BTAF1: variants seen among roughly 807,000 people sequenced by gnomAD.
The protein encoded by BTAF1 is B-TFIID TATA-box binding protein associated factor 1, also known as TATA-binding protein-associated factor 172.
BTAF1 carries 38 observed loss-of-function variants against 227.1 expected under a neutral mutation model. The observed-to-expected ratio is 0.17, with a 90% CI of 0.13 to 0.22. The LOEUF is 0.22. BTAF1 is among the 10% of genes least tolerant of loss of function. The pLI is 1.00. For missense variants in BTAF1, 1,598 were observed against 2,204.0 expected, an observed-to-expected ratio of 0.73 and a Z score of 5.51; for synonymous variants, 742 against 751.9, an observed-to-expected ratio of 0.99 and a Z score of 0.21.
chr10:91,981,831 A>G, intron 16 of BTAF1, 39 bp downstream of exon 16: 4 of 1,575,512 alleles, frequency 2.5e-6, no homozygotes, highest in Non-Finnish European at 2.6e-6. Flanking sequence ...TGTGTTCATC[A>G]TCTAATTATT....
At chr10:91,972,985 T>G (rs1440002379) in intron 14 of BTAF1, among the ~76,000 whole-genome samples, 3 of 152,242 alleles carry the variant, frequency 2.0e-5, no homozygotes, top group South Asian at 4.1e-4. Flanking sequence ...TCAAAACACT[T>G]CTGGCTCCAG....
intron 14 of BTAF1, among the ~76,000 whole-genome samples, chr10:91,971,936 TG>T (rs149484843): frequency 0.12 from 18,265 of 152,176 alleles, 1,389 homozygotes; most frequent in Middle Eastern, 0.18. Context: ...AATTTTGTCT[TG>T]TTTCAAGTTT....
rs775765682 is a variant in BTAF1 at position 91,959,756 on chromosome 10, ATATATATATATATATT to A, written c.991-28_991-13del. The A allele has an allele frequency of 1.8e-6, 1 of 541,750 alleles. No individual in the cohort carries two copies. The highest frequency in any genetic ancestry group is 2.1e-5 in the African/African-American group (1 of 48,724). The allele number at this position is 541,750 out of a possible 1,614,324, so 33.6% of individuals were successfully genotyped here. On this transcript the variant is annotated splice_polypyrimidine_tract_variant and intron_variant, in intron 9 of 37. Coordinates refer to ENST00000265990, the MANE Select transcript of BTAF1 (RefSeq NM_003972.3). ...TGTGTGTGTGTATATATATATATAT[ATATATATATATATATT>A]ATATTTTAACAGATGATTCAGCAGC...
chr10:91,949,844 T>A (rs1845625588), intron 4 of BTAF1, among the ~76,000 whole-genome samples: 1 of 152,108 alleles, frequency 6.6e-6, no homozygotes. Flanking sequence ...CCAGAAAGAC[T>A]GTGGGTTTTG....
rs780067484 is a variant in BTAF1, at chr10:91,989,492, C to T, written c.2766C>T (p.Asn922=). 3.7e-6 allele frequency: 6 copies of T among 1,613,774 alleles called. No homozygotes were observed. In the African/African-American group the frequency reaches 6.7e-5, roughly 18 times the overall value. The part of the protein sequence containing the change: ...TPCPNSKIIK[N]LCSSLCVDPY... ...GTCCCAATTCAAAAATTATTAAAAA[C>T]CTCTGTAGCTCACTTTGTGTGGACC... Residue 922 remains asparagine (N), a synonymous_variant, in exon 20 of 38, where the codon AAC becomes AAT. Transcript: ENST00000265990.
chr10:91,980,004 G>A (rs182211526), intron 14 of BTAF1, among the ~76,000 whole-genome samples: 55 of 152,228 alleles, frequency 3.6e-4, no homozygotes, highest in African/African-American at 1.3e-3. Context: ...TTTCTAGGTT[G>A]GATATTATAG....
chr10:91,988,600 C>CTGTTT (rs1258752951), intron 19 of BTAF1, among the ~76,000 whole-genome samples: 200 of 152,232 alleles, frequency 1.3e-3, no homozygotes, highest in African/African-American at 4.5e-3. Flanking sequence ...TTGTTCTGTT[C>CTGTTT]TGTTTTGTTT....
At chr10:91,960,549 A>G (rs1284078637) in intron 11 of BTAF1, among the ~76,000 whole-genome samples, 3 of 151,302 alleles carry the variant, frequency 2.0e-5, no homozygotes, top group African/African-American at 7.3e-5. Flanking sequence ...AAAGCAGACA[A>G]TCTGTATGGT....
chr10:91,946,519 A>G (rs572286948), intron 4 of BTAF1, among the ~76,000 whole-genome samples: 2 of 152,342 alleles, frequency 1.3e-5, no homozygotes, highest in East Asian at 3.9e-4. Context: ...AGTTTTCCAA[A>G]GTGGCTCTGC....
rs1419117610 is a variant in BTAF1, at chr10:91,960,149, C to T, written c.1258C>T (p.Arg420Cys). 6.2e-7 allele frequency: 1 copy of T among 1,610,796 alleles called. No individual in the cohort carries two copies. Among genetic ancestry groups the T allele is most frequent in the Non-Finnish European group, 8.5e-7 (1 of 1,178,612 alleles). Residue 420 changes from arginine (R) to cysteine (C), a missense_variant, in exon 11 of 38, where the codon CGT becomes TGT. Arg to Cys is a radical substitution (Grantham distance 180). Transcript: ENST00000265990. ...LLGIKYALAVRQDVINTLLPK... is the reference protein window; with the variant it reads ...LLGIKYALAVCQDVINTLLPK... ...GGGAATAAAATATGCTTTGGCAGTC[C>T]GTCAGGTAAATATTTCAAGTTTTGA...
chr10:91,947,174 G>T (rs992553837), intron 4 of BTAF1, among the ~76,000 whole-genome samples: 2 of 151,968 alleles, frequency 1.3e-5, no homozygotes, highest in South Asian at 2.1e-4. Flanking sequence ...TGCTCTATAG[G>T]TTATCTTTTC....
intron 34 of BTAF1, among the ~76,000 whole-genome samples, chr10:92,023,423 C>T (rs1851277794): frequency 6.6e-6 from 1 of 152,120 alleles, no homozygotes; most frequent in Non-Finnish European, 1.5e-5. Context: ...TACAGTGGCT[C>T]ACGCCTGTAA....
intron 3 of BTAF1, 116 bp from the exon 4 acceptor site, chr10:91,942,301 TGTGTG>T: frequency 6.3e-5 from 6 of 95,822 alleles, no homozygotes; most frequent in East Asian, 4.1e-4. Flanking sequence ...AAAAAGTTTG[TGTGTG>T]TGTGTGTGTG....
Position 91,982,636 on chromosome 10 carries a change from G to A in BTAF1, c.2098G>A (p.Val700Ile), listed in dbSNP as rs1250872509. The change falls in exon 18 of 38, where the codon GTA (valine) becomes ATA (isoleucine). Residue 700 changes from valine to isoleucine, a missense_variant. By Grantham distance (29) the Val-to-Ile change is conservative. This residue lies in a region of BTAF1 where 318 missense variants were observed against 435.0 expected (regional missense o/e 0.73). Coordinates refer to ENST00000265990, the MANE Select transcript of BTAF1 (RefSeq NM_003972.3). ...CCICDPGVNV[V>I]TQEIKPAESL... ...TATTTGTGATCCAGGTGTAAATGTG[G>A]TAACTCAAGAAATTAAACCAGCTGA... The A allele has an allele frequency of 6.2e-7, 1 of 1,613,784 alleles. No homozygotes were observed.
intron 6 of BTAF1, 136 bp downstream of exon 6, chr10:91,954,009 C>CA: frequency 8.1e-7 from 1 of 1,228,828 alleles, no homozygotes. Context: ...ACTCAATTGT[C>CA]AGAGAGTATT....
At chr10:91,946,547 C>G (rs1467862380) in intron 4 of BTAF1, among the ~76,000 whole-genome samples, 1 of 152,188 alleles carries the variant, frequency 6.6e-6, no homozygotes, top group Non-Finnish European at 1.5e-5. Context: ...CATTCAATTT[C>G]TCAACATCTT....
rs1851740736 is a variant in BTAF1 at position 92,029,336 on chromosome 10, A to T, written c.*403A>T. On this transcript the variant is annotated 3_prime_UTR_variant, in exon 38 of 38. Coordinates refer to ENST00000265990, the MANE Select transcript of BTAF1 (RefSeq NM_003972.3). ...AACTTGTTTTTATAATTGATTTAAA[A>T]TAGGGCTTTTTTTCTATAAAAGCCT... 6.5e-6 allele frequency: 1 copy of T among 153,086 alleles called. No homozygotes were observed. Among genetic ancestry groups the T allele is most frequent in the African/African-American group, 2.4e-5 (1 of 41,466 alleles). 9.5% of individuals were successfully genotyped at this position (153,086 alleles called of 1,614,324 possible).
In BTAF1 at chr10:92,005,874, T is replaced by G. The variant is rs541583608; in HGVS notation, c.3661-2249T>G. On this transcript the variant is annotated intron_variant, in intron 25 of 37. Transcript: ENST00000265990. Reference sequence around the variant, plus strand: ...CTGGTTTATGTTTTTGTTTTTTGGGTTTTTTTTTTTTCCTTGAAACAGGGT... The same window carrying G: ...CTGGTTTATGTTTTTGTTTTTTGGGGTTTTTTTTTTTCCTTGAAACAGGGT... 5.5e-5 allele frequency among the ~76,000 whole-genome samples: 8 copies of G among 144,828 alleles called. No individual in the cohort carries two copies. The South Asian group carries it at 1.1e-3, about 20-fold the overall frequency.
chr10:92,003,358 T>G (rs577785102), intron 25 of BTAF1, among the ~76,000 whole-genome samples: 1 of 152,208 alleles, frequency 6.6e-6, no homozygotes, highest in Non-Finnish European at 1.5e-5. Context: ...TCATTCTATG[T>G]AAACTTTGTA....
Sources: gnomAD v4.1 joint callset for allele counts (sites outside exome capture counted in the v4.1 genomes callset) on GRCh38, gnomAD v4.1.1 for gene constraint, gnomAD v4.1.1 regional missense constraint, MANE v1.5 for transcripts, NCBI Gene and HGNC (gene_info 2026-07-23, HGNC 2026-07-21) for gene names.